LRP1B: variants seen among roughly 807,000 people sequenced by gnomAD.
LRP1B encodes the protein LDL receptor related protein 1B.
LRP1B carries 217 observed loss-of-function variants against 556.6 expected under a neutral mutation model. The observed-to-expected ratio is 0.39, with a 90% confidence interval of 0.35 to 0.44. The LOEUF (loss-of-function observed/expected upper bound fraction) is 0.44, where lower values mean the gene tolerates loss of function less well. Among genes scored for constraint, LRP1B ranks in the 20% least tolerant of loss-of-function variants. LRP1B has a pLI of 1.00. For missense variants in LRP1B, 5,053 were observed against 5,620.8 expected (o/e 0.90, Z 3.23); for synonymous variants, 2,047 against 1,865.8 (o/e 1.10, Z -2.50).
chr2:141,200,074 G>A (rs1338084517), intron 6 of LRP1B, among the ~76,000 whole-genome samples: 1 of 152,080 alleles, frequency 6.6e-6, no homozygotes, highest in Non-Finnish European at 1.5e-5. Context: ...CCATTACTGG[G>A]CATATACCCA....
chr2:140,844,945 G>A (rs1692229421), intron 29 of LRP1B, among the ~76,000 whole-genome samples: 1 of 152,170 alleles, frequency 6.6e-6, no homozygotes, highest in African/African-American at 2.4e-5. Flanking sequence ...AGTATGAATT[G>A]CTCAGTGTAA....
rs1690765808 is a variant in LRP1B, at chr2:140,807,609, A to T, written c.5359+6048T>A. Among the ~76,000 whole-genome samples, 10 of 150,802 alleles carry T rather than the reference A, an allele frequency of 6.6e-5. No homozygotes were observed. In the South Asian group the frequency reaches 2.1e-3, roughly 32 times the overall value. On this transcript the variant is annotated intron_variant, in intron 32 of 90. Transcript: ENST00000389484. ...CTCGTGATCCACCTGCCTCGAGCTC[A>T]CAAAGTGCTGGGATTACAGATGTGA...
intron 41 of LRP1B, among the ~76,000 whole-genome samples, chr2:140,679,779 C>T (rs1301980013): frequency 6.6e-6 from 1 of 151,682 alleles, no homozygotes; most frequent in African/African-American, 2.4e-5. Flanking sequence ...CCACCAAGAT[C>T]CCACCTGGGT....
chr2:140,704,062 T>C (rs1273630363), intron 37 of LRP1B, among the ~76,000 whole-genome samples: 1 of 152,200 alleles, frequency 6.6e-6, no homozygotes, highest in East Asian at 1.9e-4. Flanking sequence ...TTTAAGTTCC[T>C]TGTAAAATCT....
intron 2 of LRP1B, among the ~76,000 whole-genome samples, chr2:141,672,784 A>C (rs1038982711): frequency 2.0e-5 from 3 of 152,216 alleles, no homozygotes; most frequent in Non-Finnish European, 4.4e-5. Context: ...GTAAAAAATT[A>C]CAAAACATCT....
intron 21 of LRP1B, among the ~76,000 whole-genome samples, chr2:140,915,086 A>G (rs1694535463): frequency 6.6e-6 from 1 of 152,182 alleles, no homozygotes; most frequent in African/African-American, 2.4e-5. Context: ...CGAAACAGCC[A>G]TTTCCATCAA....
intron 67 of LRP1B, among the ~76,000 whole-genome samples, chr2:140,384,131 C>T (rs1683657212): frequency 6.6e-6 from 1 of 152,134 alleles, no homozygotes; most frequent in Admixed American, 6.6e-5. Flanking sequence ...TCAACCACAC[C>T]ATGAATAAAA....
intron 75 of LRP1B, among the ~76,000 whole-genome samples, chr2:140,356,119 G>A (rs971833902): frequency 3.3e-5 from 5 of 151,812 alleles, no homozygotes; most frequent in African/African-American, 1.2e-4. Context: ...CTGCAGCTCT[G>A]AATTTGCTAT....
intron 41 of LRP1B, among the ~76,000 whole-genome samples, chr2:140,686,759 G>C (rs1023666231): frequency 6.6e-6 from 1 of 151,956 alleles, no homozygotes; most frequent in African/African-American, 2.4e-5. Flanking sequence ...TCATTATAAT[G>C]ATTGAGCTCT....
At chr2:140,958,409 T>G (rs187036718) in intron 18 of LRP1B, among the ~76,000 whole-genome samples, 7 of 151,650 alleles carry the variant, frequency 4.6e-5, no homozygotes, top group Admixed American at 1.3e-4. Flanking sequence ...AACTGTAGTT[T>G]TGGAATTACA....
intron 27 of LRP1B, among the ~76,000 whole-genome samples, chr2:140,861,627 G>A (rs1380112130): frequency 1.3e-5 from 2 of 152,102 alleles, no homozygotes; most frequent in Non-Finnish European, 1.5e-5. Context: ...CTGTTTGACT[G>A]AACAATCTAG....
intron 1 of LRP1B, among the ~76,000 whole-genome samples, chr2:142,041,974 TA>T (rs1704082168): frequency 6.6e-6 from 1 of 151,550 alleles, no homozygotes; most frequent in Non-Finnish European, 1.5e-5. Context: ...AAAAGATGAT[TA>T]TTTTTTATTA....
intron 35 of LRP1B, among the ~76,000 whole-genome samples, chr2:140,718,196 A>G (rs897137231): frequency 6.6e-6 from 1 of 151,922 alleles, no homozygotes; most frequent in Non-Finnish European, 1.5e-5. Context: ...TTCTCAATGA[A>G]ATATGCTTCT....
At chr2:141,188,353 G>C (rs2105192451) in intron 7 of LRP1B, 68 bp downstream of exon 7, 1 of 1,448,348 alleles carries the variant, frequency 6.9e-7, no homozygotes, top group Non-Finnish European at 9.5e-7. Flanking sequence ...AACAACACTT[G>C]TCATACTTCA....
intron 2 of LRP1B, among the ~76,000 whole-genome samples, chr2:141,545,707 G>A (rs1685526555): frequency 6.6e-6 from 1 of 152,012 alleles, no homozygotes; most frequent in Admixed American, 6.6e-5. Flanking sequence ...TAAATAAAGT[G>A]AAGAACCTCT....
At chr2:141,272,402 T>C (rs1326016862) in intron 3 of LRP1B, among the ~76,000 whole-genome samples, 1 of 151,824 alleles carries the variant, frequency 6.6e-6, no homozygotes, top group Non-Finnish European at 1.5e-5. Context: ...AAAAAAGAAA[T>C]AGAAATCCAA....
intron 67 of LRP1B, among the ~76,000 whole-genome samples, chr2:140,380,407 G>C (rs989182088): frequency 1.2e-4 from 18 of 152,242 alleles, no homozygotes; most frequent in Middle Eastern, 6.8e-3. Flanking sequence ...ATAATAACAA[G>C]AAGAAACTCA....
chr2:142,044,378 C>T (rs1283579920), intron 1 of LRP1B, among the ~76,000 whole-genome samples: 1 of 151,676 alleles, frequency 6.6e-6, no homozygotes, highest in Non-Finnish European at 1.5e-5. Flanking sequence ...TGGCTAGCTC[C>T]TGCTTGTTTT....
At chr2:140,936,333 C>G (rs1215338833) in intron 20 of LRP1B, among the ~76,000 whole-genome samples, 1 of 91,768 alleles carries the variant, frequency 1.1e-5, no homozygotes, top group African/African-American at 4.0e-5. Context: ...GAGGGAGACT[C>G]CGTCTCAAAA....
Sources: gnomAD v4.1 joint callset for allele counts (sites outside exome capture counted in the v4.1 genomes callset) on GRCh38, gnomAD v4.1.1 for gene constraint, MANE v1.5 for transcripts, NCBI Gene and HGNC (gene_info 2026-07-23, HGNC 2026-07-21) for gene names.